The following PPP2R2B variants were observed in gnomAD, a reference collection of about 807,000 sequenced individuals.
PPP2R2B encodes the protein protein phosphatase 2 regulatory subunit Bbeta, also known as serine/threonine-protein phosphatase 2A 55 kDa regulatory subunit B beta isoform.
Under a neutral mutation model 46.0 loss-of-function variants are expected in PPP2R2B, and 5 were observed. That is an observed-to-expected ratio of 0.11 (90% confidence interval 0.06 to 0.23). PPP2R2B has a LOEUF of 0.23. PPP2R2B is among the 10% of genes least tolerant of loss of function. The pLI is 1.00. For missense variants in PPP2R2B, 367 were observed against 575.0 expected, an observed-to-expected ratio of 0.64 and a Z score of 3.70; for synonymous variants, 215 against 206.7, an observed-to-expected ratio of 1.04 and a Z score of -0.34.
At chr5:146,701,637 ACT>A (rs1392994059) in intron 2 of PPP2R2B, among the ~76,000 whole-genome samples, 1 of 151,898 alleles carries the variant, frequency 6.6e-6, no homozygotes, top group African/African-American at 2.4e-5. Context: ...CATTGGGAAA[ACT>A]CTGCCAGTCG....
chr5:146,846,177 C>A (rs111752688), intron 2 of PPP2R2B, among the ~76,000 whole-genome samples: 5 of 147,998 alleles, frequency 3.4e-5, no homozygotes, highest in African/African-American at 1.3e-4. Flanking sequence ...CCCAGGAGTT[C>A]GTGACCAGCC....
At chr5:146,953,976 C>T (rs1328439085) in intron 1 of PPP2R2B, among the ~76,000 whole-genome samples, 1 of 152,080 alleles carries the variant, frequency 6.6e-6, no homozygotes, top group Non-Finnish European at 1.5e-5. Context: ...TCCAGTATTT[C>T]TAAATTGGGA....
At chr5:146,890,666 T>C (rs1355776184) in intron 1 of PPP2R2B, among the ~76,000 whole-genome samples, 1 of 152,122 alleles carries the variant, frequency 6.6e-6, no homozygotes, top group African/African-American at 2.4e-5. Context: ...ATTTAAGGAA[T>C]AAATATAGAG....
At chr5:146,622,333 C>T (rs1469722790) in intron 7 of PPP2R2B, among the ~76,000 whole-genome samples, 1 of 152,150 alleles carries the variant, frequency 6.6e-6, no homozygotes, top group Non-Finnish European at 1.5e-5. Context: ...GCACAACAAT[C>T]CAGTAATGCA....
intron 2 of PPP2R2B, among the ~76,000 whole-genome samples, chr5:146,868,535 T>G (rs914818664): frequency 6.6e-6 from 1 of 152,158 alleles, no homozygotes; most frequent in African/African-American, 2.4e-5. Flanking sequence ...CTCCCCCATC[T>G]TCAACCTCAT....
intron 2 of PPP2R2B, among the ~76,000 whole-genome samples, chr5:146,750,354 C>T (rs1007158260): frequency 3.9e-5 from 6 of 152,060 alleles, no homozygotes; most frequent in Admixed American, 2.6e-4. Flanking sequence ...ATTTTGATAG[C>T]AATCACATTA....
intron 1 of PPP2R2B, among the ~76,000 whole-genome samples, chr5:146,985,517 C>T (rs985981819): frequency 2.0e-5 from 3 of 152,150 alleles, no homozygotes; most frequent in African/African-American, 7.2e-5. Flanking sequence ...ATAATTTCTT[C>T]TAGCGGCTTT....
At chr5:146,788,563 G>T (rs568078971) in intron 2 of PPP2R2B, among the ~76,000 whole-genome samples, 60 of 152,090 alleles carry the variant, frequency 3.9e-4, no homozygotes, top group African/African-American at 1.4e-3. Flanking sequence ...AAACCCCGTC[G>T]CTACTGAAAA....
At chr5:146,924,246 C>A (rs183432545) in intron 1 of PPP2R2B, among the ~76,000 whole-genome samples, 116 of 152,294 alleles carry the variant, frequency 7.6e-4, no homozygotes, top group African/African-American at 2.6e-3. Flanking sequence ...AAAATATCAG[C>A]TACTTAGATA....
At chr5:147,041,157 G>C (rs1230845639) in intron 1 of PPP2R2B, among the ~76,000 whole-genome samples, 1 of 152,126 alleles carries the variant, frequency 6.6e-6, no homozygotes, top group Non-Finnish European at 1.5e-5. Flanking sequence ...TCACCCAAGG[G>C]TTTTGGGTTA....
Position 146,878,167 on chromosome 5 carries a change from A to G in PPP2R2B, c.-96T>C. The G allele has an allele frequency of 6.2e-7, 1 of 1,602,514 alleles. No individual in the cohort carries two copies. The highest frequency in any genetic ancestry group is 8.5e-7 in the Non-Finnish European group (1 of 1,174,058). On this transcript the variant is annotated 5_prime_UTR_variant, in exon 2 of 10. Coordinates refer to ENST00000394411, the MANE Select transcript of PPP2R2B (RefSeq NM_181675.4). The surrounding 1 kb of genome is among the most constrained non-coding windows in gnomAD (Gnocchi z 4.5). ...GTCTCACAGGAGAGGGGGGCAGGGGAGCCAGTGGGACTGCACCATGGTCCG... is the reference window on the plus strand; with the variant it reads ...GTCTCACAGGAGAGGGGGGCAGGGGGGCCAGTGGGACTGCACCATGGTCCG...
At chr5:146,702,066 A>AAG (rs1779574491) in intron 2 of PPP2R2B, among the ~76,000 whole-genome samples, 1 of 151,844 alleles carries the variant, frequency 6.6e-6, no homozygotes, top group African/African-American at 2.4e-5. Context: ...TAAAAAAAAA[A>AAG]AAAAAAAAAG....
chr5:146,979,839 C>T (rs576479618), intron 1 of PPP2R2B, among the ~76,000 whole-genome samples: 1 of 152,128 alleles, frequency 6.6e-6, no homozygotes, highest in Non-Finnish European at 1.5e-5. Flanking sequence ...TGATCTCTGT[C>T]TCTCAAAATA....
At chr5:146,772,072 T>G (rs1437948363) in intron 2 of PPP2R2B, among the ~76,000 whole-genome samples, 1 of 152,062 alleles carries the variant, frequency 6.6e-6, no homozygotes, top group African/African-American at 2.4e-5. Flanking sequence ...CTGAATTACA[T>G]CTACAGGAAA....
intron 1 of PPP2R2B, among the ~76,000 whole-genome samples, chr5:147,006,776 A>G (rs1754458474): frequency 6.6e-6 from 1 of 152,056 alleles, no homozygotes; most frequent in African/African-American, 2.4e-5. Context: ...TTAGGGGAAG[A>G]GTGTTGTTTT....
intron 1 of PPP2R2B, among the ~76,000 whole-genome samples, chr5:146,971,430 C>T (rs181810865): frequency 4.7e-4 from 72 of 152,272 alleles, no homozygotes; most frequent in African/African-American, 1.7e-3. Flanking sequence ...AAAACTTACG[C>T]TCTATGTTGG....
intron 1 of PPP2R2B, among the ~76,000 whole-genome samples, chr5:146,994,347 G>A (rs17105806): frequency 9.9e-5 from 15 of 152,080 alleles, no homozygotes; most frequent in East Asian, 1.9e-4. Flanking sequence ...CCTATATTTC[G>A]TGAGTAACAG....
intron 1 of PPP2R2B, among the ~76,000 whole-genome samples, chr5:146,967,194 T>C (rs1490615209): frequency 6.6e-6 from 1 of 152,218 alleles, no homozygotes; most frequent in African/African-American, 2.4e-5. Flanking sequence ...GCTTTCTTAA[T>C]TCGGTCCTGG....
intron 1 of PPP2R2B, among the ~76,000 whole-genome samples, chr5:147,026,460 C>T (rs1755530702): frequency 6.6e-6 from 1 of 151,906 alleles, no homozygotes; most frequent in South Asian, 2.1e-4. Flanking sequence ...GGATGGATTA[C>T]AAAGAGGCAC....
Sources: allele counts gnomAD v4.1 joint callset (sites outside exome capture counted in the v4.1 genomes callset), GRCh38; gene constraint gnomAD v4.1.1; non-coding constraint Gnocchi (gnomAD v3.1); transcripts MANE v1.5; gene names NCBI Gene and HGNC (gene_info 2026-07-23, HGNC 2026-07-21).